ARMH4: variants seen among roughly 807,000 people sequenced by gnomAD.
ARMH4 encodes the protein armadillo like helical domain containing 4, also known as armadillo-like helical domain-containing protein 4.
A neutral mutation model predicts 61.9 loss-of-function variants in ARMH4; 49 were observed. The ratio of observed to expected loss-of-function variants is 0.79; its 90% CI spans 0.63 to 1.00. The LOEUF (loss-of-function observed/expected upper bound fraction) is 1.00, where lower values mean the gene tolerates loss of function less well. Ranked by LOEUF, ARMH4 falls within the 50% of genes least tolerant of loss-of-function variation. ARMH4 has a pLI of 0.00. For missense variants in ARMH4, 934 were observed against 930.0 expected (o/e 1.00, Z -0.06); for synonymous variants, 368 against 341.5 (o/e 1.08, Z -0.85).
At chr14:58,082,582 T>C (rs1296021262) in intron 5 of ARMH4, among the ~76,000 whole-genome samples, 1 of 152,188 alleles carries the variant, frequency 6.6e-6, no homozygotes, top group East Asian at 1.9e-4. Context: ...CCCTGCATGT[T>C]GTCTGTAATG....
chr14:58,139,359 A>G lies in ARMH4; in HGVS notation c.-1T>C. 1 of 1,613,584 alleles carries G rather than the reference A, an allele frequency of 6.2e-7. No homozygotes were observed. The highest frequency in any genetic ancestry group is 1.1e-5 in the South Asian group (1 of 91,086). On this transcript the variant is annotated 5_prime_UTR_variant, in exon 2 of 8. Coordinates refer to ENST00000267485, the MANE Select transcript of ARMH4 (RefSeq NM_001001872.4). ...TGTGCAATACAATCGGTCCTCTCAT[A>G]GTGGAAGAGAAATGGCACGTACACT... is the stretch of plus-strand genomic sequence containing the variant.
chr14:58,051,714 TC>T (rs1163912478), intron 5 of ARMH4, among the ~76,000 whole-genome samples: 1 of 152,178 alleles, frequency 6.6e-6, no homozygotes, highest in Non-Finnish European at 1.5e-5. Flanking sequence ...TTATTTAATT[TC>T]TATTTCTTCA....
At chr14:58,092,010 A>C (rs182301939) in intron 5 of ARMH4, among the ~76,000 whole-genome samples, 1 of 152,352 alleles carries the variant, frequency 6.6e-6, no homozygotes, top group Non-Finnish European at 1.5e-5. Flanking sequence ...AGAGAATTTG[A>C]GGCCTGAATC....
chr14:58,087,846 CAAT>C (rs1885430242), intron 5 of ARMH4, among the ~76,000 whole-genome samples: 1 of 152,050 alleles, frequency 6.6e-6, no homozygotes, highest in Non-Finnish European at 1.5e-5. Flanking sequence ...TGACTGTAAC[CAAT>C]ATCTAGAACT....
chr14:58,040,975 CA>C (rs771361519), intron 5 of ARMH4, among the ~76,000 whole-genome samples: 15 of 152,168 alleles, frequency 9.9e-5, no homozygotes, highest in African/African-American at 2.2e-4. Context: ...GAAACATGGT[CA>C]GGGGGCGGTT....
intron 1 of ARMH4, chr14:58,141,339 C>T (rs762181777): frequency 1.5e-4 from 72 of 488,428 alleles, no homozygotes; most frequent in Non-Finnish European, 2.6e-4. Flanking sequence ...TCAAGCCCAC[C>T]GACACCATTT....
chr14:58,069,348 A>G (rs769555309), intron 5 of ARMH4, among the ~76,000 whole-genome samples: 7 of 152,230 alleles, frequency 4.6e-5, no homozygotes, highest in Non-Finnish European at 5.9e-5. Context: ...AACCATGAAT[A>G]TGGCATAAAT....
intron 5 of ARMH4, among the ~76,000 whole-genome samples, chr14:58,029,097 C>A (rs1883122256): frequency 6.6e-6 from 1 of 152,192 alleles, no homozygotes; most frequent in Non-Finnish European, 1.5e-5. Context: ...CAGTCCCTCT[C>A]CATTCCCCTC....
chr14:58,106,971 G>C (rs1315872049), intron 4 of ARMH4, among the ~76,000 whole-genome samples: 4 of 152,130 alleles, frequency 2.6e-5, no homozygotes, highest in African/African-American at 9.7e-5. Flanking sequence ...TTCAGGACCA[G>C]AGCCATGGGT....
intron 4 of ARMH4, among the ~76,000 whole-genome samples, chr14:58,117,540 G>A (rs971042455): frequency 1.3e-5 from 2 of 152,090 alleles, no homozygotes; most frequent in Non-Finnish European, 2.9e-5. Context: ...CATGCATTTA[G>A]CTCCTTGAAA....
At chr14:58,151,162 C>T (rs539359131) in intron 1 of ARMH4, among the ~76,000 whole-genome samples, 8 of 152,228 alleles carry the variant, frequency 5.3e-5, no homozygotes, top group South Asian at 2.1e-4. Flanking sequence ...CTCTCTTCCA[C>T]ATCAGTTCTG....
intron 5 of ARMH4, among the ~76,000 whole-genome samples, chr14:58,039,012 C>T (rs1883587706): frequency 6.6e-6 from 1 of 152,198 alleles, no homozygotes; most frequent in South Asian, 2.1e-4. Context: ...CCCCTGGAGC[C>T]ACTACCACAT....
At chr14:58,144,076 A>G (rs559390036) in intron 1 of ARMH4, among the ~76,000 whole-genome samples, 17 of 152,072 alleles carry the variant, frequency 1.1e-4, no homozygotes, top group Non-Finnish European at 2.2e-4. Context: ...ACCTGGCCAC[A>G]CTGTTCTTTT....
At chr14:58,005,360 G>C (rs1427644734) in intron 6 of ARMH4, among the ~76,000 whole-genome samples, 178 bp from the exon 7 acceptor site, 2 of 152,176 alleles carry the variant, frequency 1.3e-5, no homozygotes, top group Non-Finnish European at 2.9e-5. Context: ...AACAGAGAGA[G>C]AGACAGGCCT....
chr14:58,045,293 T>G (rs925209844), intron 5 of ARMH4, among the ~76,000 whole-genome samples: 2 of 152,208 alleles, frequency 1.3e-5, no homozygotes, highest in African/African-American at 4.8e-5. Flanking sequence ...TAAAAAATGA[T>G]GAGTTCATGT....
chr14:58,148,451 C>T (rs1305236017), intron 1 of ARMH4, among the ~76,000 whole-genome samples: 1 of 152,136 alleles, frequency 6.6e-6, no homozygotes, highest in Admixed American at 6.5e-5. Flanking sequence ...CCATTCTTTC[C>T]CCACCCTTCT....
rs536502672 is a variant in ARMH4 at position 58,069,328 on chromosome 14, T to C, written c.2089+27396A>G. 7.9e-5 allele frequency among the ~76,000 whole-genome samples: 12 copies of C among 152,340 alleles called. No homozygotes were observed. In the South Asian group the frequency reaches 1.0e-3, roughly 13 times the overall value. ...ATGTGCTATATGCTATGATAGATCA[T>C]AGGCAATACAACCATGAATATGGCA... is the stretch of plus-strand genomic sequence containing the variant. On this transcript the variant is annotated intron_variant, in intron 5 of 7. Transcript: ENST00000267485.
Position 58,006,702 on chromosome 14 carries a change from C to G in ARMH4, c.2122-1520G>C, listed in dbSNP as rs57230475. Among the ~76,000 whole-genome samples the G allele has an allele frequency of 1.5e-4, 22 of 150,004 alleles. No individual in the cohort carries two copies. In the South Asian group the frequency reaches 4.4e-3, roughly 30 times the overall value. On this transcript the variant is annotated intron_variant, in intron 6 of 7. Coordinates refer to ENST00000267485, the MANE Select transcript of ARMH4 (RefSeq NM_001001872.4). ...CCTTCTTCTCACTCATAGGTGGGAACTGAACAATGAGAACACTTGGACACA... is the reference window on the plus strand; with the variant it reads ...CCTTCTTCTCACTCATAGGTGGGAAGTGAACAATGAGAACACTTGGACACA...
chr14:58,107,915 G>A (rs756271918), intron 4 of ARMH4, among the ~76,000 whole-genome samples: 1 of 152,108 alleles, frequency 6.6e-6, no homozygotes, highest in African/African-American at 2.4e-5. Context: ...ACATCCCGGT[G>A]GCATCTTTCT....
Sources: gnomAD v4.1 joint callset for allele counts (sites outside exome capture counted in the v4.1 genomes callset) on GRCh38, gnomAD v4.1.1 for gene constraint, MANE v1.5 for transcripts, NCBI Gene and HGNC (gene_info 2026-07-23, HGNC 2026-07-21) for gene names.